COL4A2: variants seen among roughly 807,000 people sequenced by gnomAD.
COL4A2 encodes collagen alpha-2(IV) chain.
In COL4A2, 99 loss-of-function variants were observed where a neutral mutation model predicts 200.2. The observed-to-expected ratio is 0.49, with a 90% CI of 0.42 to 0.58. COL4A2 has a LOEUF of 0.58. Ranked by LOEUF, COL4A2 falls within the 20% of genes least tolerant of loss-of-function variation. COL4A2 has a pLI of 0.00. For missense variants in COL4A2, 1,950 were observed against 2,314.1 expected, an observed-to-expected ratio of 0.84 and a Z score of 3.23; for synonymous variants, 897 against 900.6, an observed-to-expected ratio of 1.00 and a Z score of 0.07.
rs186665281 is a variant in COL4A2 at position 110,312,170 on chromosome 13, A to G, written c.99+4047A>G. ...CTCCTCTGCTCGTGGATAAACAAGC[A>G]TATCTCAGCTCTCTGGAGGCTGTTA... On this transcript the variant is annotated intron_variant, in intron 3 of 47. Transcript: ENST00000360467. Among the ~76,000 whole-genome samples, 354 of 152,374 alleles carry G rather than the reference A, an allele frequency of 2.3e-3. 1 individual carries two copies. The highest frequency in any genetic ancestry group is 5.2e-3 in the South Asian group (25 of 4,828).
chr13:110,319,440 G>A (rs779887974), intron 3 of COL4A2, among the ~76,000 whole-genome samples: 6 of 152,178 alleles, frequency 3.9e-5, no homozygotes, highest in Non-Finnish European at 5.9e-5. Flanking sequence ...GCTTTGGTTT[G>A]GCAACATGAC....
intron 4 of COL4A2, among the ~76,000 whole-genome samples, chr13:110,394,514 G>A (rs1017508402): frequency 2.6e-5 from 4 of 152,132 alleles, no homozygotes; most frequent in Admixed American, 1.3e-4. Flanking sequence ...CCAAACATGC[G>A]TCCCAGACTG....
At chr13:110,391,792 C>T (rs1430464145) in intron 4 of COL4A2, among the ~76,000 whole-genome samples, 2 of 152,174 alleles carry the variant, frequency 1.3e-5, no homozygotes, top group African/African-American at 4.8e-5. Context: ...AAAAGGCAGC[C>T]TCCACCCGTC....
chr13:110,393,069 G>C (rs774993142), intron 4 of COL4A2, among the ~76,000 whole-genome samples: 1 of 152,142 alleles, frequency 6.6e-6, no homozygotes, highest in African/African-American at 2.4e-5. Flanking sequence ...CCCTGGTGTC[G>C]CCCACCTGGG....
intron 4 of COL4A2, among the ~76,000 whole-genome samples, chr13:110,398,647 C>A (rs574994123): frequency 6.6e-6 from 1 of 151,990 alleles, no homozygotes; most frequent in African/African-American, 2.4e-5. Flanking sequence ...GAGCCGAGAC[C>A]GTGTCACTGC....
intron 6 of COL4A2, among the ~76,000 whole-genome samples, chr13:110,427,200 A>G (rs936575111): frequency 6.6e-6 from 1 of 152,114 alleles, no homozygotes; most frequent in African/African-American, 2.4e-5. Flanking sequence ...CCCAGGCTGG[A>G]GTGCAGTGGT....
intron 20 of COL4A2, among the ~76,000 whole-genome samples, chr13:110,452,405 G>A (rs35131825): frequency 0.31 from 47,720 of 152,132 alleles, 8,018 homozygotes; most frequent in South Asian, 0.4. Flanking sequence ...CTCATGATCC[G>A]CCCGCCTCGG....
intron 4 of COL4A2, among the ~76,000 whole-genome samples, chr13:110,372,786 C>G (rs934778069): frequency 3.3e-5 from 5 of 152,174 alleles, no homozygotes; most frequent in Non-Finnish European, 7.4e-5. Flanking sequence ...TAGCTTGTTC[C>G]ATTTTAAAAA....
At chr13:110,310,553 G>C (rs1278843021) in intron 3 of COL4A2, among the ~76,000 whole-genome samples, 1 of 152,226 alleles carries the variant, frequency 6.6e-6, no homozygotes, top group East Asian at 1.9e-4. Context: ...CGTTCAACAA[G>C]GGGCTGGTCT....
At chr13:110,487,817 G>A (rs1883161796) in intron 34 of COL4A2, among the ~76,000 whole-genome samples, 1 of 152,194 alleles carries the variant, frequency 6.6e-6, no homozygotes, top group Non-Finnish European at 1.5e-5. Context: ...TTTAGGTGGG[G>A]TTGTCATAGA....
At chr13:110,369,026 G>A (rs535794416) in intron 4 of COL4A2, among the ~76,000 whole-genome samples, 49 of 152,136 alleles carry the variant, frequency 3.2e-4, no homozygotes, top group Non-Finnish European at 6.5e-4. Context: ...GGCCAACATG[G>A]TGAAACCAGG....
At chr13:110,494,109 C>G (rs1178195963) in intron 39 of COL4A2, among the ~76,000 whole-genome samples, 2 of 152,200 alleles carry the variant, frequency 1.3e-5, no homozygotes, top group East Asian at 3.9e-4. Context: ...ATAGCACTTT[C>G]TGGCTTATTT....
Position 110,404,841 on chromosome 13 carries a change from A to AT in COL4A2, c.181-19892dup, listed in dbSNP as rs111464731. Among the ~76,000 whole-genome samples the AT allele has an allele frequency of 5.3e-5, 8 of 152,306 alleles. 1 individual carries two copies. Among genetic ancestry groups the AT allele is most frequent in the African/African-American group, 1.7e-4 (7 of 41,574 alleles). ...GGGTAGAAACCACACCATTTCTAAA[A>AT]TGAGTTGGGGCTGGGCACGGTGGCT... is the stretch of plus-strand genomic sequence containing the variant. On this transcript the variant is annotated intron_variant, in intron 4 of 47. Transcript: ENST00000360467.
chr13:110,453,656 A>G (rs1358284467), intron 20 of COL4A2, among the ~76,000 whole-genome samples: 1 of 152,268 alleles, frequency 6.6e-6, no homozygotes, highest in Non-Finnish European at 1.5e-5. Context: ...GTTTACTAGC[A>G]TAAGTCAACT....
chr13:110,374,790 C>A (rs567514763), intron 4 of COL4A2, among the ~76,000 whole-genome samples: 2 of 152,314 alleles, frequency 1.3e-5, no homozygotes, highest in Admixed American at 6.5e-5. Context: ...ACTCTGCTAA[C>A]CTCATGCCGA....
At chr13:110,478,230 GTCT>G (rs1380474806) in intron 30 of COL4A2, 66 bp downstream of exon 30, 1 of 1,407,754 alleles carries the variant, frequency 7.1e-7, no homozygotes, top group Non-Finnish European at 9.4e-7. Flanking sequence ...AATGAGCACT[GTCT>G]TCTTGTGGAG....
chr13:110,478,996 T>C (rs1882798913), intron 30 of COL4A2, among the ~76,000 whole-genome samples: 1 of 152,188 alleles, frequency 6.6e-6, no homozygotes, highest in Non-Finnish European at 1.5e-5. Flanking sequence ...AGATACACAC[T>C]GGCTTCCCCC....
chr13:110,368,860 G>A (rs906258392), intron 4 of COL4A2, among the ~76,000 whole-genome samples: 14 of 129,510 alleles, frequency 1.1e-4, no homozygotes, highest in African/African-American at 3.4e-4. Context: ...GGGGGGGGGG[G>A]GTTGAGCTCA....
intron 40 of COL4A2, among the ~76,000 whole-genome samples, chr13:110,500,550 C>G (rs755821830): frequency 2.0e-5 from 3 of 152,186 alleles, no homozygotes; most frequent in Non-Finnish European, 4.4e-5. Context: ...CCCTCTTACT[C>G]TCCTACTAGT....
Sources: gnomAD v4.1 joint callset for allele counts (sites outside exome capture counted in the v4.1 genomes callset) on GRCh38, gnomAD v4.1.1 for gene constraint, MANE v1.5 for transcripts, NCBI Gene and HGNC (gene_info 2026-07-23, HGNC 2026-07-21) for gene names.